The following LARGE1 variants were observed in gnomAD, a reference collection of about 807,000 sequenced individuals.
The protein encoded by LARGE1 is xylosyl- and glucuronyltransferase LARGE1.
A neutral mutation model predicts 87.6 loss-of-function variants in LARGE1; 43 were observed. The observed-to-expected ratio is 0.49, with a 90% CI of 0.38 to 0.63. The LOEUF is 0.63. LARGE1 is among the 30% of genes least tolerant of loss of function. The pLI is 0.00. For synonymous variants in LARGE1, 434 were observed against 394.6 expected (o/e 1.10, Z -1.18); for missense variants, 802 against 1,000.2 (o/e 0.80, Z 2.67).
chr22:33,304,600 G>C (rs1934621563), intron 11 of LARGE1, 93 bp from the exon 12 acceptor site: 2 of 1,319,978 alleles, frequency 1.5e-6, no homozygotes, highest in African/African-American at 3.0e-5. Flanking sequence ...AGTGACACTT[G>C]ATCAACCAGC....
At chr22:33,578,475 A>G (rs1442135161) in intron 5 of LARGE1, among the ~76,000 whole-genome samples, 1 of 152,216 alleles carries the variant, frequency 6.6e-6, no homozygotes, top group Non-Finnish European at 1.5e-5. Flanking sequence ...CCTCTTTCTT[A>G]GAAGATCACC....
chr22:33,388,179 C>A (rs2065395400), intron 7 of LARGE1, among the ~76,000 whole-genome samples: 1 of 152,182 alleles, frequency 6.6e-6, no homozygotes, highest in Non-Finnish European at 1.5e-5. Context: ...CCATTTTATA[C>A]CTATACCATA....
At chr22:33,609,636 G>A (rs145167470) in intron 4 of LARGE1, among the ~76,000 whole-genome samples, 488 of 152,188 alleles carry the variant, frequency 3.2e-3, no homozygotes, top group African/African-American at 0.011. Flanking sequence ...AATCTGGAAT[G>A]GGAAACCCAG....
intron 9 of LARGE1, among the ~76,000 whole-genome samples, chr22:33,359,960 T>C (rs1040361192): frequency 1.3e-5 from 2 of 149,442 alleles, no homozygotes; most frequent in African/African-American, 4.9e-5. Context: ...TGAGCCCATA[T>C]ATGGGACCAA....
intron 1 of LARGE1, among the ~76,000 whole-genome samples, chr22:33,801,998 A>G (rs930853027): frequency 6.6e-6 from 1 of 151,908 alleles, no homozygotes; most frequent in Non-Finnish European, 1.5e-5. Flanking sequence ...TACCTTATGA[A>G]AGTCCTCTGA....
At chr22:33,525,855 CA>C (rs2071864913) in intron 6 of LARGE1, among the ~76,000 whole-genome samples, 1 of 152,134 alleles carries the variant, frequency 6.6e-6, no homozygotes, top group African/African-American at 2.4e-5. Context: ...ATGGTGCAGC[CA>C]TTTGGAAAAT....
chr22:33,724,984 G>T, intron 2 of LARGE1: 1 of 152,616 alleles, frequency 6.6e-6, no homozygotes, highest in Non-Finnish European at 1.5e-5. Flanking sequence ...CTCTCACAAG[G>T]TGAAGTGTAA....
chr22:33,334,638 A>G (rs1411666284), intron 10 of LARGE1, among the ~76,000 whole-genome samples: 1 of 152,126 alleles, frequency 6.6e-6, no homozygotes, highest in Admixed American at 6.5e-5. Flanking sequence ...AAGGAGGTGG[A>G]TGTGGCCCAT....
At chr22:33,247,977 T>G (rs1466181853) in intron 11 of LARGE1, among the ~76,000 whole-genome samples, 1 of 152,198 alleles carries the variant, frequency 6.6e-6, no homozygotes, top group Non-Finnish European at 1.5e-5. Flanking sequence ...ACAGATAAAT[T>G]TGACTCTTGA....
At chr22:33,103,055 G>A in the LARGE1 span, among the ~76,000 whole-genome samples, 40,658 of 151,634 alleles carry the variant, frequency 0.27, 6,022 homozygotes, top group Non-Finnish European at 0.34. Context: ...CGGTGTAGAT[G>A]CCTTACATAA....
intron 1 of LARGE1, among the ~76,000 whole-genome samples, chr22:33,858,441 G>A (rs912712201): frequency 2.6e-5 from 4 of 152,204 alleles, no homozygotes; most frequent in African/African-American, 9.7e-5. Context: ...TTGCTGGCTC[G>A]AATGCCTGGG....
chr22:33,653,306 T>A (rs1394832004), intron 2 of LARGE1, among the ~76,000 whole-genome samples: 1 of 152,202 alleles, frequency 6.6e-6, no homozygotes, highest in East Asian at 1.9e-4. Flanking sequence ...TTAAACTGTG[T>A]TCCTATTATG....
chr22:33,346,231 TCTTC>T lies in LARGE1; in HGVS notation c.1132-8434_1132-8431del, dbSNP rs373678345. ...TACCCTACCTTCTTTTCTCTTCCTTTCTTCCTTCCTTCCTTCCTTCCTCTCTTCT... is the reference window on the plus strand; with the variant it reads ...TACCCTACCTTCTTTTCTCTTCCTTTCTTCCTTCCTTCCTTCCTCTCTTCT... On this transcript the variant is annotated intron_variant, in intron 9 of 14. Coordinates refer to ENST00000397394, the MANE Select transcript of LARGE1 (RefSeq NM_133642.5). Among the ~76,000 whole-genome samples the T allele has an allele frequency of 4.9e-3, 736 of 151,326 alleles. 1 individual carries two copies. Among genetic ancestry groups the T allele is most frequent in the Non-Finnish European group, 6.8e-3 (461 of 67,762 alleles).
chr22:33,423,829 T>C (rs948419409), intron 7 of LARGE1, among the ~76,000 whole-genome samples: 1 of 152,216 alleles, frequency 6.6e-6, no homozygotes, highest in African/African-American at 2.4e-5. Flanking sequence ...GCATTTTTAG[T>C]ATTTTTGTGG....
chr22:33,074,152 T>C, the LARGE1 span, among the ~76,000 whole-genome samples: 4 of 152,154 alleles, frequency 2.6e-5, no homozygotes, highest in African/African-American at 4.8e-5. Context: ...GAGGAGAACA[T>C]GTGGCTTGGC....
chr22:33,278,842 C>T (rs531812503), intron 13 of LARGE1, among the ~76,000 whole-genome samples: 33 of 152,330 alleles, frequency 2.2e-4, no homozygotes, highest in African/African-American at 7.9e-4. Flanking sequence ...GCCTCAGCCT[C>T]CCAAGTGGCT....
At chr22:33,709,965 A>G (rs1409614834) in intron 2 of LARGE1, among the ~76,000 whole-genome samples, 1 of 130,956 alleles carries the variant, frequency 7.6e-6, no homozygotes, top group Non-Finnish European at 1.6e-5. Flanking sequence ...CTCTCATCAG[A>G]CCTTTGCTAG....
At chr22:33,912,441 C>A (rs1265583519) in intron 1 of LARGE1, among the ~76,000 whole-genome samples, 1 of 152,206 alleles carries the variant, frequency 6.6e-6, no homozygotes, top group African/African-American at 2.4e-5. Flanking sequence ...TCTATGGCTA[C>A]CATGGAGAGC....
At chr22:33,746,579 C>T (rs1412228769) in intron 2 of LARGE1, 4 of 152,090 alleles carry the variant, frequency 2.6e-5, no homozygotes, top group African/African-American at 7.2e-5. Flanking sequence ...TTGTGCTGGG[C>T]ACTTTTGTAG....
Sources: allele counts gnomAD v4.1 joint callset (sites outside exome capture counted in the v4.1 genomes callset), GRCh38; gene constraint gnomAD v4.1.1; transcripts MANE v1.5; gene names NCBI Gene and HGNC (gene_info 2026-07-23, HGNC 2026-07-21).